The following ABCC6 variants were observed in gnomAD, a reference collection of about 807,000 sequenced individuals.
ABCC6 encodes ATP binding cassette subfamily C member 6.
A neutral mutation model predicts 169.5 loss-of-function variants in ABCC6; 126 were observed. The observed-to-expected ratio is 0.74, with a 90% confidence interval of 0.64 to 0.86. ABCC6 has a LOEUF of 0.86. Ranked by LOEUF, ABCC6 falls within the 40% of genes least tolerant of loss-of-function variation. The pLI, the probability that ABCC6 is intolerant of heterozygous loss-of-function variation, is 0.00. For missense variants in ABCC6, 1,733 were observed against 1,927.2 expected (o/e 0.90, Z 1.89); for synonymous variants, 752 against 814.7 (o/e 0.92, Z 1.31).
In ABCC6 at chr16:16,179,067, G is replaced by A. The variant is rs572464322; in HGVS notation, c.2248-102C>T. ...AGGGCACACCTGCCCATCAGGGTGA[G>A]GTACAGCTCAACATGCCTATTCCCT... On this transcript the variant is annotated intron_variant, in intron 17 of 30. Coordinates refer to ENST00000205557, the MANE Select transcript of ABCC6 (RefSeq NM_001171.6). 121 of 1,316,982 alleles carry A rather than the reference G, an allele frequency of 9.2e-5. No homozygotes were observed. In the South Asian group the frequency reaches 1.0e-3, roughly 11 times the overall value. The allele number at this position is 1,316,982 out of a possible 1,614,324, so 81.6% of individuals were successfully genotyped here.
Position 16,214,470 on chromosome 16 carries a change from G to A in ABCC6, c.475-21C>T, listed in dbSNP as rs776462428. On this transcript the variant is annotated intron_variant, in intron 4 of 30. Coordinates refer to ENST00000205557, the MANE Select transcript of ABCC6 (RefSeq NM_001171.6). ...AAGCCCTGTGGGAGGGAAAGCAGAA[G>A]ATAAGGAATGGAGACAGAGGAGGGT... 41 of 1,551,910 alleles carry A rather than the reference G, an allele frequency of 2.6e-5. 1 individual carries two copies. The Admixed American group carries it at 4.9e-4, about 19-fold the overall frequency.
intron 19 of ABCC6, among the ~76,000 whole-genome samples, chr16:16,176,431 A>C (rs1478817373): frequency 1.3e-5 from 2 of 152,180 alleles, no homozygotes. Flanking sequence ...TAGTAGTTTA[A>C]CCACAGACCT....
intron 26 of ABCC6, 98 bp from the exon 27 acceptor site, chr16:16,157,907 T>A: frequency 7.5e-7 from 1 of 1,327,350 alleles, no homozygotes; most frequent in Admixed American, 2.3e-5. Context: ...TTCCGCAAAA[T>A]GGACGTATTT....
At chr16:16,211,337 G>T (rs528183582) in intron 6 of ABCC6, among the ~76,000 whole-genome samples, 2 of 152,174 alleles carry the variant, frequency 1.3e-5, no homozygotes, top group Admixed American at 6.5e-5. Flanking sequence ...GGAGGCGGAG[G>T]TTGCAGTGAG....
chr16:16,169,831 G>C lies in ABCC6; in HGVS notation c.2810C>G (p.Ala937Gly). The C allele has an allele frequency of 6.4e-7, 1 of 1,556,940 alleles. No individual in the cohort carries two copies. The highest frequency in any genetic ancestry group is 8.7e-7 in the Non-Finnish European group (1 of 1,150,484). The change falls in exon 22 of 31, where the codon GCC (alanine) becomes GGC (glycine). Residue 937 changes from alanine to glycine, a missense_variant. Coordinates refer to ENST00000205557, the MANE Select transcript of ABCC6 (RefSeq NM_001171.6). ...GGGGGTGCCCACGGCACGCAGGTAG[G>C]CCAGGTGCACTGTGGCCTTCACCTG... ...YGRVKATVHL[A>G]YLRAVGTPLC...
At position 16,178,954 on chromosome 16, in the gene ABCC6, G is replaced by A; in HGVS notation, c.2259C>T (p.Leu753=). Residue 753 remains leucine, a synonymous_variant, in exon 18 of 31, where the codon CTC becomes CTT. Coordinates refer to ENST00000205557, the MANE Select transcript of ABCC6 (RefSeq NM_001171.6). The part of the protein sequence containing the change: ...HTSIGEQGMN[L]SGGQKQRLSL... Reference sequence around the variant, plus strand: ...TCAGCCGCTGCTTCTGGCCTCCGGAGAGATTCATGCCCTGTGGCCACAAAA... The same window carrying A: ...TCAGCCGCTGCTTCTGGCCTCCGGAAAGATTCATGCCCTGTGGCCACAAAA... The A allele has an allele frequency of 1.9e-6, 3 of 1,612,758 alleles. No individual in the cohort carries two copies. In the South Asian group the frequency reaches 3.3e-5, roughly 18 times the overall value.
chr16:16,185,065 A>AC (rs763161955), intron 14 of ABCC6, 31 bp from the exon 15 acceptor site: 1 of 1,600,794 alleles, frequency 6.2e-7, no homozygotes, highest in South Asian at 1.1e-5. Context: ...TTTACAGGAG[A>AC]CCCCTGACCT....
At chr16:16,192,239 T>G (rs1172855535) in intron 11 of ABCC6, among the ~76,000 whole-genome samples, 1 of 151,326 alleles carries the variant, frequency 6.6e-6, no homozygotes, top group Non-Finnish European at 1.5e-5. Context: ...GGGAGATGTG[T>G]GGGGAAAGGC....
intron 10 of ABCC6, among the ~76,000 whole-genome samples, 159 bp downstream of exon 10, chr16:16,197,862 C>T (rs982201072): frequency 2.0e-5 from 3 of 151,018 alleles, no homozygotes; most frequent in South Asian, 4.2e-4. Flanking sequence ...CTGGTTCTCC[C>T]ACAGCCTCAG....
intron 9 of ABCC6, 59 bp from the exon 10 acceptor site, chr16:16,198,241 C>G (rs1438837964): frequency 3.9e-6 from 6 of 1,538,282 alleles, no homozygotes; most frequent in Admixed American, 3.9e-5. Context: ...AGGGATGCCC[C>G]AGGTGGCTTC....
At chr16:16,222,128 G>A (rs928706146) in intron 1 of ABCC6, among the ~76,000 whole-genome samples, 1 of 152,112 alleles carries the variant, frequency 6.6e-6, no homozygotes, top group African/African-American at 2.4e-5. Context: ...ACTGGGCCAT[G>A]TGGTCTAGGA....
At chr16:16,154,134 A>G (rs1002458656) in intron 29 of ABCC6, among the ~76,000 whole-genome samples, 1 of 151,870 alleles carries the variant, frequency 6.6e-6, no homozygotes, top group African/African-American at 2.4e-5. Flanking sequence ...GTCCACAGAG[A>G]TAGGGTCTTG....
Position 16,198,125 on chromosome 16 carries a change from G to C in ABCC6, c.1234C>G (p.Leu412Val), listed in dbSNP as rs755918422. 13 of 1,612,224 alleles carry C rather than the reference G, an allele frequency of 8.1e-6. No individual in the cohort carries two copies. The South Asian group carries it at 1.1e-4, about 14-fold the overall frequency. The change falls in exon 10 of 31, where the codon CTG becomes GTG. Residue 412 changes from leucine (L) to valine (V), a missense_variant. Leu to Val is a conservative substitution (Grantham distance 32, BLOSUM62 1). Around this residue, in one of 5 missense-constraint regions of ABCC6, gnomAD observed 1,601 missense variants for 1,635.5 expected, o/e 0.98. Transcript: ENST00000205557. ...KASAVGDVVN[L>V]VSVDVQRLTE... is the part of the protein sequence containing the mutation. ...AGCCGCTGCACGTCCACGGACACCA[G>C]ATTGACCACATCACCCACCGCACTG...
At chr16:16,205,699 A>G (rs1422695589) in intron 7 of ABCC6, among the ~76,000 whole-genome samples, 2 of 152,168 alleles carry the variant, frequency 1.3e-5, no homozygotes, top group Admixed American at 1.3e-4. Context: ...CATTGCCTTC[A>G]CAGCCATGTC....
At chr16:16,209,152 C>T (rs1338690518) in intron 6 of ABCC6, among the ~76,000 whole-genome samples, 3 of 152,158 alleles carry the variant, frequency 2.0e-5, no homozygotes, top group East Asian at 1.9e-4. Flanking sequence ...GGTGCAATCT[C>T]GGCTCACTGC....
At chr16:16,174,759 A>ACCCCCCCCC (rs200038324) in intron 20 of ABCC6, among the ~76,000 whole-genome samples, 35 of 84,466 alleles carry the variant, frequency 4.1e-4, no homozygotes, top group East Asian at 1.2e-3. Flanking sequence ...TCTGTCTCAA[A>ACCCCCCCCC]ACCCCCCCCC....
At chr16:16,209,960 G>T (rs781663421) in intron 6 of ABCC6, among the ~76,000 whole-genome samples, 3 of 150,718 alleles carry the variant, frequency 2.0e-5, no homozygotes, top group Non-Finnish European at 4.4e-5. Context: ...CGAACTCCCG[G>T]CCTCAAGTGA....
At chr16:16,152,319 C>T (rs1260449528) in intron 29 of ABCC6, among the ~76,000 whole-genome samples, 2 of 151,914 alleles carry the variant, frequency 1.3e-5, no homozygotes, top group African/African-American at 2.4e-5. Context: ...AGCCCCTGAC[C>T]CAGGTGGGAA....
intron 21 of ABCC6, among the ~76,000 whole-genome samples, chr16:16,172,074 ATGGATAAATGAGTGG>A: frequency 6.9e-6 from 1 of 145,546 alleles, no homozygotes; most frequent in African/African-American, 2.6e-5. Flanking sequence ...AGTGGGTGGG[ATGGATAAATGAGTGG>A]GTGGGATGGC....
Sources: gnomAD v4.1 joint callset for allele counts (sites outside exome capture counted in the v4.1 genomes callset) on GRCh38, gnomAD v4.1.1 for gene constraint, gnomAD v4.1.1 regional missense constraint, MANE v1.5 for transcripts, NCBI Gene and HGNC (gene_info 2026-07-23, HGNC 2026-07-21) for gene names.